Variants in NMNAT3 observed in about 807,000 individuals in gnomAD.
NMNAT3 encodes nicotinamide/nicotinic acid mononucleotide adenylyltransferase 3.
Under a neutral mutation model 24.8 loss-of-function variants are expected in NMNAT3, and 21 were observed. The observed-to-expected ratio is 0.85, with a 90% CI of 0.60 to 1.22. NMNAT3 has a LOEUF of 1.22. Ranked by LOEUF, NMNAT3 falls within the 50% of genes most tolerant of loss-of-function variation. The pLI is 0.00. For synonymous variants in NMNAT3, 136 were observed against 155.2 expected, an observed-to-expected ratio of 0.88 and a Z score of 0.92; for missense variants, 387 against 436.6, an observed-to-expected ratio of 0.89 and a Z score of 1.01.
At chr3:139,594,013 G>A (rs1258352071) in intron 3 of NMNAT3, among the ~76,000 whole-genome samples, 1 of 151,634 alleles carries the variant, frequency 6.6e-6, no homozygotes, top group African/African-American at 2.4e-5. Flanking sequence ...AAAAATTAAC[G>A]AATCCAGGAG....
intron 3 of NMNAT3, among the ~76,000 whole-genome samples, chr3:139,592,488 G>T (rs1317592659): frequency 6.6e-6 from 1 of 152,110 alleles, no homozygotes; most frequent in African/African-American, 2.4e-5. Context: ...GATACTCCTC[G>T]AGAAGAGCAA....
chr3:139,630,993 G>A (rs1013227417), intron 2 of NMNAT3, among the ~76,000 whole-genome samples: 1 of 152,116 alleles, frequency 6.6e-6, no homozygotes, highest in Non-Finnish European at 1.5e-5. Context: ...GTAACCTGGG[G>A]CTCTCATCCA....
At chr3:139,577,464 G>T (rs1460943934) in intron 5 of NMNAT3, among the ~76,000 whole-genome samples, 1 of 152,192 alleles carries the variant, frequency 6.6e-6, no homozygotes, top group Non-Finnish European at 1.5e-5. Context: ...AAGTAATTCA[G>T]CTAGTAAATT....
intron 3 of NMNAT3, among the ~76,000 whole-genome samples, chr3:139,595,499 C>T (rs1185467743): frequency 3.9e-5 from 6 of 152,300 alleles, no homozygotes; most frequent in East Asian, 1.9e-4. Flanking sequence ...GCCCGCATTG[C>T]GAAGTCAATC....
At chr3:139,562,704 G>A (rs1284605735) in intron 6 of NMNAT3, among the ~76,000 whole-genome samples, 1 of 152,236 alleles carries the variant, frequency 6.6e-6, no homozygotes, top group East Asian at 1.9e-4. Context: ...GTGTCATGGA[G>A]AAGTCTGAGT....
intron 3 of NMNAT3, among the ~76,000 whole-genome samples, chr3:139,622,137 T>C (rs2055805115): frequency 6.6e-6 from 1 of 152,200 alleles, no homozygotes. Flanking sequence ...GTTATATTTT[T>C]AGTTTTTTGA....
intron 3 of NMNAT3, among the ~76,000 whole-genome samples, chr3:139,623,815 T>G (rs891265504): frequency 6.6e-6 from 1 of 152,152 alleles, no homozygotes; most frequent in African/African-American, 2.4e-5. Context: ...ACTCTTGACC[T>G]CCTGATCTGC....
At chr3:139,625,237 G>A (rs565484113) in intron 3 of NMNAT3, among the ~76,000 whole-genome samples, 1 of 152,294 alleles carries the variant, frequency 6.6e-6, no homozygotes, top group East Asian at 1.9e-4. Context: ...TATGGTTAAA[G>A]TATGCTTCTT....
At chr3:139,576,491 A>G (rs1263905965) in intron 5 of NMNAT3, among the ~76,000 whole-genome samples, 1 of 151,028 alleles carries the variant, frequency 6.6e-6, no homozygotes, top group Non-Finnish European at 1.5e-5. Context: ...GGGTGGGAGG[A>G]GGTGAGCATT....
chr3:139,665,801 G>GA (rs1200603439), intron 1 of NMNAT3, among the ~76,000 whole-genome samples: 9 of 146,666 alleles, frequency 6.1e-5, no homozygotes, highest in Non-Finnish European at 7.5e-5. Context: ...TATTTTAAGT[G>GA]AAAAAAAAAG....
chr3:139,596,900 T>C, intron 3 of NMNAT3, among the ~76,000 whole-genome samples: 1 of 137,424 alleles, frequency 7.3e-6, no homozygotes, highest in East Asian at 2.1e-4. Flanking sequence ...TTTTCCACTA[T>C]ATTTTTGTCA....
intron 1 of NMNAT3, among the ~76,000 whole-genome samples, chr3:139,654,951 T>G (rs1415863889): frequency 1.3e-5 from 2 of 151,780 alleles, no homozygotes; most frequent in African/African-American, 2.4e-5. Context: ...CAGCCCAGGG[T>G]GGTAAGAGCT....
At position 139,628,113 on chromosome 3, in the gene NMNAT3, C is replaced by G. The variant is rs934751522; in HGVS notation, c.-40-349G>C. ...CTCCTTGAGCTCTGACAGATCACCA[C>G]GGGGTCAGAAGGAGGGCTAGAAGAC... On this transcript the variant is annotated intron_variant, in intron 2 of 6. Transcript: ENST00000643695. Among the ~76,000 whole-genome samples the G allele has an allele frequency of 2.0e-5, 3 of 152,188 alleles. No homozygotes were observed. The South Asian group carries it at 6.2e-4, about 32-fold the overall frequency.
At chr3:139,603,565 C>T (rs749937527) in intron 3 of NMNAT3, among the ~76,000 whole-genome samples, 13 of 152,158 alleles carry the variant, frequency 8.5e-5, no homozygotes, top group Non-Finnish European at 1.6e-4. Context: ...TCGACCAACA[C>T]GATGATTCCC....
intron 3 of NMNAT3, among the ~76,000 whole-genome samples, chr3:139,591,381 G>T (rs1205904500): frequency 2.0e-5 from 3 of 152,136 alleles, no homozygotes; most frequent in Non-Finnish European, 4.4e-5. Context: ...AGGCGGCAAC[G>T]AGGCTCGGGA....
chr3:139,632,908 G>C (rs2056354461), intron 2 of NMNAT3, among the ~76,000 whole-genome samples: 1 of 152,138 alleles, frequency 6.6e-6, no homozygotes, highest in Non-Finnish European at 1.5e-5. Flanking sequence ...AAATGAGGAG[G>C]GTAGCCTGGA....
intron 4 of NMNAT3, among the ~76,000 whole-genome samples, chr3:139,582,571 G>C (rs2053694210): frequency 6.7e-6 from 1 of 148,566 alleles, no homozygotes; most frequent in Admixed American, 6.8e-5. Flanking sequence ...GAACCCAGGA[G>C]GAGGAGGTTG....
At chr3:139,567,428 G>T (rs1432172877) in intron 6 of NMNAT3, 1 of 152,154 alleles carries the variant, frequency 6.6e-6, no homozygotes, top group African/African-American at 2.4e-5. Flanking sequence ...GGGCATCCCT[G>T]TCTTGTGCCC....
At position 139,560,971 on chromosome 3, in the gene NMNAT3, A is replaced by C. The variant is rs1397290414; in HGVS notation, c.*39T>G. 3.2e-6 allele frequency: 5 copies of C among 1,579,204 alleles called. No individual in the cohort carries two copies. Among genetic ancestry groups the C allele is most frequent in the Non-Finnish European group, 1.7e-6 (2 of 1,160,396 alleles). ...CCTTAACAGCCCTCTCCCCAGCAGGAGCTTGTTGGAGGAGGTGTGGGTGCT... is the reference window on the plus strand; with the variant it reads ...CCTTAACAGCCCTCTCCCCAGCAGGCGCTTGTTGGAGGAGGTGTGGGTGCT... On this transcript the variant is annotated 3_prime_UTR_variant, in exon 7 of 7. Coordinates refer to ENST00000643695, the MANE Select transcript of NMNAT3 (RefSeq NM_001320510.2).
Sources: allele counts gnomAD v4.1 joint callset (sites outside exome capture counted in the v4.1 genomes callset), GRCh38; gene constraint gnomAD v4.1.1; transcripts MANE v1.5; gene names NCBI Gene and HGNC (gene_info 2026-07-23, HGNC 2026-07-21).